CRTC1: variants seen among roughly 807,000 people sequenced by gnomAD.
CRTC1 encodes the protein CREB regulated transcription coactivator 1.
In CRTC1, 18 loss-of-function variants were observed where a neutral mutation model predicts 66.1. The observed-to-expected ratio is 0.27, with a 90% CI of 0.19 to 0.40. CRTC1 has a LOEUF of 0.40. Among genes scored for constraint, CRTC1 ranks in the 10% least tolerant of loss-of-function variants. The pLI is 1.00. For missense variants in CRTC1, 669 were observed against 887.9 expected (o/e 0.75, Z 3.13); for synonymous variants, 416 against 398.8 (o/e 1.04, Z -0.51).
At chr19:18,700,937 C>T (rs553621728) in intron 1 of CRTC1, among the ~76,000 whole-genome samples, 3 of 152,246 alleles carry the variant, frequency 2.0e-5, no homozygotes, top group Non-Finnish European at 4.4e-5. Flanking sequence ...GTGCGCATCC[C>T]GCTTCCATCG....
chr19:18,727,387 C>T, intron 1 of CRTC1, among the ~76,000 whole-genome samples: 1 of 151,778 alleles, frequency 6.6e-6, no homozygotes, highest in Admixed American at 6.6e-5. Flanking sequence ...CGAGACCATC[C>T]TGGCTAACAC....
chr19:18,694,013 C>A (rs1217583306), intron 1 of CRTC1, among the ~76,000 whole-genome samples: 1 of 151,774 alleles, frequency 6.6e-6, no homozygotes, highest in African/African-American at 2.4e-5. Context: ...GCACCTGTAA[C>A]CCCAGCTATT....
At chr19:18,724,127 C>T (rs527546846) in intron 1 of CRTC1, among the ~76,000 whole-genome samples, 26 of 152,272 alleles carry the variant, frequency 1.7e-4, no homozygotes, top group African/African-American at 5.8e-4. Context: ...AGGCGGGAAC[C>T]GGCGGGGCGG....
chr19:18,691,986 T>C (rs934361265), intron 1 of CRTC1, among the ~76,000 whole-genome samples: 1 of 152,100 alleles, frequency 6.6e-6, no homozygotes, highest in Admixed American at 6.6e-5. Flanking sequence ...GTGCTGGGAT[T>C]ACAGGTGTGA....
At chr19:18,747,882 GC>G (rs2081775222) in intron 4 of CRTC1, among the ~76,000 whole-genome samples, 1 of 152,154 alleles carries the variant, frequency 6.6e-6, no homozygotes, top group African/African-American at 2.4e-5. Flanking sequence ...TTGAAGACCA[GC>G]CTGAACAACA....
At position 18,768,715 on chromosome 19, in the gene CRTC1, A is replaced by G. The variant is rs1457135429; in HGVS notation, c.1242A>G (p.Ala414=). The change falls in exon 10 of 14, where the codon GCA becomes GCG. Residue 414 remains alanine, a synonymous_variant. Transcript: ENST00000321949. This position sits in a 1 kb window ranked among gnomAD's most constrained non-coding sequence, Gnocchi z 5.6. ...LTRGPQPPPL[A]VTVPSSLPQS... ...GTGGGCCACAGCCGCCCCCGCTTGC[A>G]GTCACGGTACCGTCCTCTCTCCCCC... 4 of 1,592,808 alleles carry G rather than the reference A, an allele frequency of 2.5e-6. No individual in the cohort carries two copies. The highest frequency in any genetic ancestry group is 3.4e-6 in the Non-Finnish European group (4 of 1,171,590).
chr19:18,770,156 G>A (rs2054829456), intron 10 of CRTC1, among the ~76,000 whole-genome samples: 1 of 152,212 alleles, frequency 6.6e-6, no homozygotes, highest in Non-Finnish European at 1.5e-5. Context: ...GACAGGTCAG[G>A]CAAGTTGTCT....
At position 18,777,318 on chromosome 19, in the gene CRTC1, AC is replaced by A; in HGVS notation, c.1842del (p.Asn614LysfsTer122). On this transcript the variant is annotated frameshift_variant, in exon 14 of 14. Transcript: ENST00000321949. LOFTEE classifies it high-confidence loss of function. This position sits in a 1 kb window ranked among gnomAD's most constrained non-coding sequence, Gnocchi z 5.5. ...ACCCTCGACGGACTGCACATGCTCA[AC>A]GACCCCGACATGGTTCTGGCCGACC... ...PLTLDGLHML[N>X]DPDMVLADPA... 1 of 1,611,000 alleles carries A rather than the reference AC, an allele frequency of 6.2e-7. No individual in the cohort carries two copies.
chr19:18,770,344 CCAGGCAGGTTTGT>C (rs1195157239), intron 10 of CRTC1, among the ~76,000 whole-genome samples: 26 of 152,348 alleles, frequency 1.7e-4, no homozygotes, highest in African/African-American at 6.0e-4. Flanking sequence ...ATGGCATAAC[CCAGGCAGGTTTGT>C]CCTGCAGCAG....
At chr19:18,685,748 C>G (rs1455513451) in intron 1 of CRTC1, among the ~76,000 whole-genome samples, 5 of 152,138 alleles carry the variant, frequency 3.3e-5, no homozygotes, top group African/African-American at 1.2e-4. Flanking sequence ...CAGGAGTGGC[C>G]ACTTCTTTTT....
chr19:18,769,769 G>A (rs372128268), intron 10 of CRTC1, among the ~76,000 whole-genome samples: 9 of 152,246 alleles, frequency 5.9e-5, no homozygotes, highest in African/African-American at 2.2e-4. Flanking sequence ...GGGCTCTTGG[G>A]TCAGGCTGTC....
chr19:18,747,660 A>G (rs2054276555), intron 4 of CRTC1, among the ~76,000 whole-genome samples: 1 of 152,160 alleles, frequency 6.6e-6, no homozygotes, highest in East Asian at 1.9e-4. Context: ...ACGATACCGC[A>G]TATTCAGCAC....
chr19:18,758,340 A>G (rs1161127375), intron 6 of CRTC1, among the ~76,000 whole-genome samples: 2 of 150,922 alleles, frequency 1.3e-5, no homozygotes, highest in Non-Finnish European at 3.0e-5. Context: ...AGCCTGAGAG[A>G]CAGAGTGAGA....
chr19:18,743,142 A>C, intron 2 of CRTC1, 116 bp downstream of exon 2: 1 of 801,168 alleles, frequency 1.2e-6, no homozygotes, highest in Non-Finnish European at 2.1e-6. Context: ...AGCCCACCCA[A>C]CCACTGCCTT....
At chr19:18,725,651 C>T (rs746484516) in intron 1 of CRTC1, among the ~76,000 whole-genome samples, 5 of 152,298 alleles carry the variant, frequency 3.3e-5, no homozygotes, top group Middle Eastern at 3.4e-3. Context: ...CCGTCCTTGG[C>T]GCCAGCCCCT....
chr19:18,775,538 G>A, intron 12 of CRTC1, 103 bp from the exon 13 acceptor site: 2 of 1,077,350 alleles, frequency 1.9e-6, no homozygotes, highest in Non-Finnish European at 2.6e-6. Context: ...CAGGGACAGA[G>A]TCCCCAGCTG....
At chr19:18,726,107 A>G (rs2053746308) in intron 1 of CRTC1, among the ~76,000 whole-genome samples, 1 of 152,260 alleles carries the variant, frequency 6.6e-6, no homozygotes, top group African/African-American at 2.4e-5. Context: ...GTGATGCAGG[A>G]ACATCTTTGC....
intron 1 of CRTC1, among the ~76,000 whole-genome samples, chr19:18,720,418 C>T (rs1325780861): frequency 3.3e-5 from 5 of 151,860 alleles, no homozygotes; most frequent in African/African-American, 9.7e-5. Flanking sequence ...GGCATGATCT[C>T]GGCTCACTGC....
intron 5 of CRTC1, among the ~76,000 whole-genome samples, chr19:18,750,315 C>G (rs1164351328): frequency 6.6e-6 from 1 of 152,200 alleles, no homozygotes; most frequent in African/African-American, 2.4e-5. Flanking sequence ...GCTGAGAACT[C>G]TCCTCGCCTG....
Sources: allele counts gnomAD v4.1 joint callset (sites outside exome capture counted in the v4.1 genomes callset), GRCh38; gene constraint gnomAD v4.1.1; non-coding constraint Gnocchi (gnomAD v3.1); transcripts MANE v1.5; gene names NCBI Gene and HGNC (gene_info 2026-07-23, HGNC 2026-07-21).